NDUFB5: variants seen among roughly 807,000 people sequenced by gnomAD.
NDUFB5 encodes the protein NADH:ubiquinone oxidoreductase subunit B5, also known as NADH dehydrogenase [ubiquinone] 1 beta subcomplex subunit 5, mitochondrial.
Under a neutral mutation model 19.4 loss-of-function variants are expected in NDUFB5, and 19 were observed. The observed-to-expected ratio is 0.98, with a 90% CI of 0.68 to 1.43. The LOEUF (loss-of-function observed/expected upper bound fraction) is 1.43. NDUFB5 is among the 40% of genes most tolerant of loss of function. The probability of loss-of-function intolerance (pLI) is 0.00; values close to 1 mark genes in which losing one functional copy is unlikely to be tolerated. For missense variants in NDUFB5, 233 were observed against 236.5 expected, an observed-to-expected ratio of 0.99 and a Z score of 0.10; for synonymous variants, 80 against 82.6, an observed-to-expected ratio of 0.97 and a Z score of 0.17.
intron 5 of NDUFB5, among the ~76,000 whole-genome samples, chr3:179,622,512 A>G (rs535282853): frequency 6.6e-6 from 1 of 152,308 alleles, no homozygotes; most frequent in East Asian, 1.9e-4. Context: ...TTAAAAACAT[A>G]ACAGTATATG....
At chr3:179,607,333 C>T (rs1719131356) in intron 1 of NDUFB5, among the ~76,000 whole-genome samples, 1 of 152,142 alleles carries the variant, frequency 6.6e-6, no homozygotes, top group Non-Finnish European at 1.5e-5. Context: ...TAGTAGAGAG[C>T]CTGTCTTGTT....
chr3:179,609,465 A>G (rs1241008618), intron 1 of NDUFB5, among the ~76,000 whole-genome samples: 2 of 152,180 alleles, frequency 1.3e-5, no homozygotes, highest in African/African-American at 4.8e-5. Flanking sequence ...TGAGCAGAGA[A>G]GATGTGCAGA....
chr3:179,613,627 T>TA (rs1353674207), intron 1 of NDUFB5, among the ~76,000 whole-genome samples: 2 of 152,266 alleles, frequency 1.3e-5, no homozygotes, highest in Non-Finnish European at 2.9e-5. Flanking sequence ...AGTCCATACT[T>TA]ACTTTGTCAA....
At chr3:179,605,066 G>A in intron 1 of NDUFB5, 127 bp downstream of exon 1, 1 of 1,313,510 alleles carries the variant, frequency 7.6e-7, no homozygotes, top group South Asian at 1.8e-5. Flanking sequence ...GGGCTTGACA[G>A]GAGAGACGGA....
intron 5 of NDUFB5, among the ~76,000 whole-genome samples, chr3:179,620,466 T>C (rs1198840862): frequency 6.6e-6 from 1 of 152,052 alleles, no homozygotes; most frequent in Non-Finnish European, 1.5e-5. Context: ...CCTTTCCCCA[T>C]TTCTTGTTTT....
chr3:179,619,321 G>T (rs1215094719), intron 5 of NDUFB5, among the ~76,000 whole-genome samples: 1 of 151,014 alleles, frequency 6.6e-6, no homozygotes, highest in African/African-American at 2.4e-5. Flanking sequence ...TTTAACATTA[G>T]GTATATCTCC....
intron 4 of NDUFB5, 136 bp downstream of exon 4, chr3:179,617,180 C>T (rs1234210089): frequency 1.7e-6 from 1 of 597,872 alleles, no homozygotes; most frequent in East Asian, 3.3e-5. Context: ...CTCTGTTGCC[C>T]AGGCTGGAGT....
rs1235920471 is a variant in NDUFB5 at position 179,625,469 on chromosome 3, GATAC to G, written c.*1432_*1435del. 1 of 151,986 alleles carries G rather than the reference GATAC, an allele frequency of 6.6e-6. No individual in the cohort carries two copies. The highest frequency in any genetic ancestry group is 1.5e-5 in the Non-Finnish European group (1 of 68,000). 9.4% of individuals were successfully genotyped at this position (151,986 alleles called of 1,614,324 possible). ...TAATGTACTTGTAATGTGCTATTTT[GATAC>G]ATGTATGCAAAGTATAATGGTCAAA... On this transcript the variant is annotated 3_prime_UTR_variant, in exon 6 of 6. Transcript: ENST00000259037.
intron 5 of NDUFB5, among the ~76,000 whole-genome samples, chr3:179,619,089 G>A (rs554146103): frequency 6.6e-6 from 1 of 151,424 alleles, no homozygotes; most frequent in South Asian, 2.1e-4. Flanking sequence ...GATATATGCT[G>A]TTATGGAAAG....
chr3:179,619,574 C>T (rs1388669138), intron 5 of NDUFB5, among the ~76,000 whole-genome samples: 1 of 152,168 alleles, frequency 6.6e-6, no homozygotes, highest in South Asian at 2.1e-4. Flanking sequence ...TGTGTATGTG[C>T]CACATTTTCT....
chr3:179,619,623 A>C (rs144893159), intron 5 of NDUFB5, among the ~76,000 whole-genome samples: 1,864 of 152,276 alleles, frequency 0.012, 15 homozygotes, highest in Middle Eastern at 0.034. Context: ...GGCTTGTCCA[A>C]GTCTTTGCTA....
intron 1 of NDUFB5, among the ~76,000 whole-genome samples, chr3:179,612,975 T>A (rs1005357556): frequency 2.6e-5 from 4 of 152,180 alleles, no homozygotes; most frequent in African/African-American, 9.7e-5. Flanking sequence ...AAGACTGAAT[T>A]GGCCTTTGGC....
rs982529186 is a variant in NDUFB5, at chr3:179,627,010, A to G, written c.*2970A>G. Reference sequence around the variant, plus strand: ...AGGTGTAAATGGCTCATAGTTCTGCAGACTGTACAGGAAGCATGGCACCAG... The same window carrying G: ...AGGTGTAAATGGCTCATAGTTCTGCGGACTGTACAGGAAGCATGGCACCAG... On this transcript the variant is annotated 3_prime_UTR_variant, in exon 6 of 6. Coordinates refer to ENST00000259037, the MANE Select transcript of NDUFB5 (RefSeq NM_002492.4). 6.6e-6 allele frequency: 1 copy of G among 152,206 alleles called. No homozygotes were observed. Among genetic ancestry groups the G allele is most frequent in the African/African-American group, 2.4e-5 (1 of 41,442 alleles). 9.4% of individuals were successfully genotyped at this position (152,206 alleles called of 1,614,324 possible).
chr3:179,622,820 T>C (rs1719573691), intron 5 of NDUFB5, among the ~76,000 whole-genome samples: 1 of 152,210 alleles, frequency 6.6e-6, no homozygotes, highest in Non-Finnish European at 1.5e-5. Flanking sequence ...TTTAGTCCTA[T>C]GAAAAACTAT....
intron 5 of NDUFB5, among the ~76,000 whole-genome samples, chr3:179,621,352 C>T (rs183980787): frequency 2.0e-5 from 3 of 152,328 alleles, no homozygotes; most frequent in African/African-American, 4.8e-5. Context: ...GCTGAGATTA[C>T]AGGCGTGAGC....
intron 5 of NDUFB5, among the ~76,000 whole-genome samples, 186 bp downstream of exon 5, chr3:179,618,707 C>G (rs1055383404): frequency 2.0e-5 from 3 of 152,018 alleles, no homozygotes; most frequent in Admixed American, 1.3e-4. Context: ...AGAAATTAGC[C>G]GGGCGTGGTG....
chr3:179,618,049 A>T (rs1386951846), intron 4 of NDUFB5, among the ~76,000 whole-genome samples: 2 of 152,178 alleles, frequency 1.3e-5, no homozygotes, highest in African/African-American at 2.4e-5. Context: ...GTTTATGCTA[A>T]CTGGTGCAAA....
intron 4 of NDUFB5, 71 bp downstream of exon 4, chr3:179,617,115 A>G: frequency 8.5e-7 from 1 of 1,179,566 alleles, no homozygotes; most frequent in Non-Finnish European, 1.2e-6. Context: ...GTCTTAATTC[A>G]GCAATTATGA....
intron 1 of NDUFB5, among the ~76,000 whole-genome samples, chr3:179,613,791 A>G (rs1274264368): frequency 5.3e-5 from 8 of 152,214 alleles, no homozygotes. Context: ...TCCTGCTTTC[A>G]AGATATTTAT....
Sources: allele counts gnomAD v4.1 joint callset (sites outside exome capture counted in the v4.1 genomes callset), GRCh38; gene constraint gnomAD v4.1.1; transcripts MANE v1.5; gene names NCBI Gene and HGNC (gene_info 2026-07-23, HGNC 2026-07-21).